The following LARGE1 variants were observed in gnomAD, a reference collection of about 807,000 sequenced individuals.
LARGE1 encodes xylosyl- and glucuronyltransferase LARGE1.
Under a neutral mutation model 87.6 loss-of-function variants are expected in LARGE1, and 43 were observed. That is an observed-to-expected ratio of 0.49 (90% CI 0.38 to 0.63). The LOEUF (loss-of-function observed/expected upper bound fraction) is 0.63, where lower values mean the gene tolerates loss of function less well. LARGE1 is among the 30% of genes least tolerant of loss of function. The probability of loss-of-function intolerance (pLI) is 0.00; values close to 1 mark genes in which losing one functional copy is unlikely to be tolerated. For synonymous variants in LARGE1, 434 were observed against 394.6 expected, an observed-to-expected ratio of 1.10 and a Z score of -1.18; for missense variants, 802 against 1,000.2, an observed-to-expected ratio of 0.80 and a Z score of 2.67.
At chr22:33,895,483 G>A (rs887714624) in intron 1 of LARGE1, among the ~76,000 whole-genome samples, 1 of 152,194 alleles carries the variant, frequency 6.6e-6, no homozygotes, top group Non-Finnish European at 1.5e-5. Context: ...TATGGTTCAT[G>A]AATCTCATAA....
intron 1 of LARGE1, among the ~76,000 whole-genome samples, chr22:33,785,775 G>A (rs2085622150): frequency 6.6e-6 from 1 of 152,096 alleles, no homozygotes; most frequent in African/African-American, 2.4e-5. Flanking sequence ...AGGGTCACCT[G>A]GTGATTTCAT....
intron 2 of LARGE1, among the ~76,000 whole-genome samples, chr22:33,694,590 C>T (rs1001074912): frequency 4.6e-5 from 7 of 152,044 alleles, no homozygotes; most frequent in Admixed American, 1.3e-4. Flanking sequence ...TTTGAGGTTC[C>T]ACCATCTTCA....
chr22:33,207,374 C>A (rs924414849), intron 11 of LARGE1, among the ~76,000 whole-genome samples: 1 of 152,232 alleles, frequency 6.6e-6, no homozygotes, highest in Non-Finnish European at 1.5e-5. Context: ...TATTTCAGTG[C>A]TTCCAGAGGT....
intron 6 of LARGE1, among the ~76,000 whole-genome samples, chr22:33,561,214 C>T (rs1282401473): frequency 6.6e-6 from 1 of 152,284 alleles, no homozygotes; most frequent in East Asian, 1.9e-4. Flanking sequence ...ACTCATTTAG[C>T]CACCTGCCTC....
intron 9 of LARGE1, among the ~76,000 whole-genome samples, chr22:33,371,625 A>G (rs1435375143): frequency 6.6e-6 from 1 of 152,216 alleles, no homozygotes; most frequent in East Asian, 1.9e-4. Context: ...GCTTTGTGTA[A>G]TATTTCAGTT....
At chr22:33,909,144 A>ACTTG (rs2065546832) in intron 1 of LARGE1, among the ~76,000 whole-genome samples, 1 of 152,096 alleles carries the variant, frequency 6.6e-6, no homozygotes, top group African/African-American at 2.4e-5. Context: ...CTATTTTAAG[A>ACTTG]CTTGCTGCTT....
chr22:33,691,740 C>G (rs2082106218), intron 2 of LARGE1, among the ~76,000 whole-genome samples: 1 of 152,198 alleles, frequency 6.6e-6, no homozygotes, highest in African/African-American at 2.4e-5. Context: ...TTCCTACCGT[C>G]TGGGTCAGAT....
At chr22:33,520,527 G>C (rs2071530058) in intron 6 of LARGE1, among the ~76,000 whole-genome samples, 2 of 152,182 alleles carry the variant, frequency 1.3e-5, no homozygotes, top group Non-Finnish European at 2.9e-5. Flanking sequence ...GTGCTGAGCT[G>C]GGCCATCTCT....
At chr22:33,464,897 A>G (rs1265230231) in intron 6 of LARGE1, among the ~76,000 whole-genome samples, 2 of 149,180 alleles carry the variant, frequency 1.3e-5, no homozygotes, top group Non-Finnish European at 2.9e-5. Flanking sequence ...ACACATACAC[A>G]CACACACACA....
chr22:33,630,408 A>G (rs1389276267), intron 3 of LARGE1, among the ~76,000 whole-genome samples: 2 of 152,182 alleles, frequency 1.3e-5, no homozygotes, highest in African/African-American at 4.8e-5. Flanking sequence ...GAGCAACTTT[A>G]GAGTCCACTT....
the LARGE1 span, among the ~76,000 whole-genome samples, chr22:33,138,407 C>T: frequency 2.6e-5 from 4 of 151,970 alleles, no homozygotes; most frequent in African/African-American, 9.7e-5. Context: ...AGGGACTTGC[C>T]TTGTCTCGGA....
chr22:33,837,345 A>C (rs1489800931), intron 1 of LARGE1, among the ~76,000 whole-genome samples: 1 of 151,658 alleles, frequency 6.6e-6, no homozygotes, highest in Non-Finnish European at 1.5e-5. Flanking sequence ...ACACATATAT[A>C]GTATACATAT....
At chr22:33,338,236 C>T (rs116055960) in intron 9 of LARGE1, among the ~76,000 whole-genome samples, 1,530 of 152,272 alleles carry the variant, frequency 0.01, 30 homozygotes, top group African/African-American at 0.034. Context: ...AAGGCGCTTG[C>T]TCCTCCTGTT....
intron 11 of LARGE1, among the ~76,000 whole-genome samples, chr22:33,174,554 G>T (rs1335508742): frequency 2.6e-5 from 4 of 152,126 alleles, no homozygotes; most frequent in African/African-American, 9.7e-5. Flanking sequence ...TCCAGCAGCT[G>T]CTTTTTTGAA....
intron 11 of LARGE1, among the ~76,000 whole-genome samples, chr22:33,246,324 T>G (rs1000564347): frequency 6.6e-6 from 1 of 152,192 alleles, no homozygotes; most frequent in African/African-American, 2.4e-5. Flanking sequence ...AGTAACACTT[T>G]GGGATATTAT....
intron 11 of LARGE1, among the ~76,000 whole-genome samples, chr22:33,234,220 G>T (rs1460039249): frequency 6.6e-6 from 1 of 152,220 alleles, no homozygotes; most frequent in Non-Finnish European, 1.5e-5. Flanking sequence ...TGCAGAATGA[G>T]ACAATGGTAT....
intron 2 of LARGE1, among the ~76,000 whole-genome samples, chr22:33,685,350 T>G (rs879855529): frequency 6.6e-6 from 1 of 152,130 alleles, no homozygotes; most frequent in Non-Finnish European, 1.5e-5. Flanking sequence ...GGAATGTGAG[T>G]GACATCAACC....
chr22:33,693,844 AAGAG>A (rs1603176659), intron 2 of LARGE1, among the ~76,000 whole-genome samples: 2 of 152,108 alleles, frequency 1.3e-5, no homozygotes, highest in Non-Finnish European at 2.9e-5. Flanking sequence ...AGAAAAAAAA[AAGAG>A]AGAGAAAAAA....
downstream of LARGE1, among the ~76,000 whole-genome samples, chr22:33,267,945 T>C (rs1928038916): frequency 6.7e-6 from 1 of 148,914 alleles, no homozygotes; most frequent in African/African-American, 2.6e-5. Flanking sequence ...CCATACATAA[T>C]GGCAAAATTC....
Sources: gnomAD v4.1 joint callset for allele counts (sites outside exome capture counted in the v4.1 genomes callset) on GRCh38, gnomAD v4.1.1 for gene constraint, MANE v1.5 for transcripts, NCBI Gene and HGNC (gene_info 2026-07-23, HGNC 2026-07-21) for gene names.